The following GABBR2 variants were observed in gnomAD, a reference collection of about 807,000 sequenced individuals.
GABBR2 encodes G-protein coupled receptor 51.
In GABBR2, 23 loss-of-function variants were observed where a neutral mutation model predicts 105.6. The observed-to-expected ratio is 0.22, with a 90% CI of 0.16 to 0.31. GABBR2 has a LOEUF of 0.31. Ranked by LOEUF, GABBR2 falls within the 10% of genes least tolerant of loss-of-function variation. The pLI, the probability that GABBR2 is intolerant of heterozygous loss-of-function variation, is 1.00. For synonymous variants in GABBR2, 478 were observed against 499.7 expected (o/e 0.96, Z 0.58); for missense variants, 734 against 1,245.5 (o/e 0.59, Z 6.18).
At chr9:98,671,841 A>G (rs1481857739) in intron 1 of GABBR2, among the ~76,000 whole-genome samples, 1 of 152,208 alleles carries the variant, frequency 6.6e-6, no homozygotes, top group Non-Finnish European at 1.5e-5. Context: ...TGTGGTTAAG[A>G]GGCCACCGCT....
chr9:98,382,687 A>C (rs1262148692), intron 11 of GABBR2, among the ~76,000 whole-genome samples: 2 of 152,186 alleles, frequency 1.3e-5, no homozygotes, highest in African/African-American at 4.8e-5. Flanking sequence ...CACAGATGGA[A>C]GAGAGAAATC....
Position 98,312,871 on chromosome 9 carries a change from T to A in GABBR2, c.1894-1666A>T, listed in dbSNP as rs547557115. Among the ~76,000 whole-genome samples the A allele has an allele frequency of 5.3e-5, 8 of 152,288 alleles. No homozygotes were observed. The East Asian group carries it at 1.5e-3, about 29-fold the overall frequency. ...TTCAAGCAATTCTCATGTCTCAGCC[T>A]CTTGAGTAGCTGGGATTATAGGCGG... On this transcript the variant is annotated intron_variant, in intron 13 of 18. Transcript: ENST00000259455.
At chr9:98,395,491 A>T (rs570428489) in intron 8 of GABBR2, among the ~76,000 whole-genome samples, 1 of 151,036 alleles carries the variant, frequency 6.6e-6, no homozygotes, top group East Asian at 2.0e-4. Flanking sequence ...CCCCAGGGAA[A>T]GTGAGCCAAG....
chr9:98,415,086 A>C (rs1395784147), intron 7 of GABBR2, among the ~76,000 whole-genome samples: 3 of 152,304 alleles, frequency 2.0e-5, no homozygotes, highest in Non-Finnish European at 4.4e-5. Context: ...AAAGTAAAAA[A>C]CAAAACAAAG....
rs533430938 is a variant in GABBR2, at chr9:98,587,354, A to G, written c.322-9282T>C. 3.9e-5 allele frequency among the ~76,000 whole-genome samples: 6 copies of G among 152,284 alleles called. No homozygotes were observed. In the East Asian group the frequency reaches 7.7e-4, roughly 20 times the overall value. On this transcript the variant is annotated intron_variant, in intron 1 of 18. Transcript: ENST00000259455. ...TGCGGCTTCAGTCTGCACACCTTCT[A>G]TTGGGCTCCTACATCATACAGAGCT...
chr9:98,499,973 A>C (rs1588197440), intron 3 of GABBR2, among the ~76,000 whole-genome samples: 1 of 152,330 alleles, frequency 6.6e-6, no homozygotes, highest in East Asian at 1.9e-4. Context: ...GAATCACTTG[A>C]ACCCCGGAGG....
At chr9:98,600,963 T>A (rs1829322293) in intron 1 of GABBR2, among the ~76,000 whole-genome samples, 1 of 152,176 alleles carries the variant, frequency 6.6e-6, no homozygotes, top group African/African-American at 2.4e-5. Flanking sequence ...TTCATGGCCC[T>A]CTGGTCCCCC....
chr9:98,296,411 G>A (rs1263768627), intron 17 of GABBR2, among the ~76,000 whole-genome samples: 1 of 152,170 alleles, frequency 6.6e-6, no homozygotes, highest in African/African-American at 2.4e-5. Context: ...GCAGTATTGT[G>A]TTACAGCAGC....
At chr9:98,404,169 A>G (rs1339128980) in intron 8 of GABBR2, among the ~76,000 whole-genome samples, 1 of 151,282 alleles carries the variant, frequency 6.6e-6, no homozygotes, top group African/African-American at 2.4e-5. Flanking sequence ...AGAACTGGAA[A>G]TGAGACAAGA....
At chr9:98,298,182 CAT>C (rs1172628795) in intron 17 of GABBR2, among the ~76,000 whole-genome samples, 4 of 152,108 alleles carry the variant, frequency 2.6e-5, no homozygotes, top group East Asian at 3.8e-4. Context: ...TTCACACACA[CAT>C]GTATGCATTT....
chr9:98,655,503 A>C (rs1967890), intron 1 of GABBR2, among the ~76,000 whole-genome samples: 21,766 of 152,240 alleles, frequency 0.14, 2,151 homozygotes, highest in East Asian at 0.46. Flanking sequence ...GGACCTTAAG[A>C]GTGATGTTAA....
chr9:98,309,222 C>T (rs545538900), intron 14 of GABBR2, among the ~76,000 whole-genome samples: 7 of 152,240 alleles, frequency 4.6e-5, no homozygotes, highest in Middle Eastern at 3.4e-3. Flanking sequence ...GTTAGCTTCA[C>T]GGGAAGACAT....
intron 11 of GABBR2, among the ~76,000 whole-genome samples, chr9:98,372,019 G>C (rs531526862): frequency 1.3e-5 from 2 of 152,332 alleles, no homozygotes; most frequent in South Asian, 4.1e-4. Context: ...AGGTCAGTTA[G>C]TCAGCATGGG....
chr9:98,388,831 AGAG>A lies in GABBR2; in HGVS notation c.1529+20_1529+22del, dbSNP rs1832127254. 2 of 1,599,864 alleles carry A rather than the reference AGAG, an allele frequency of 1.3e-6. No individual in the cohort carries two copies. The highest frequency in any genetic ancestry group is 1.7e-4 in the Middle Eastern group (1 of 6,006). ...TTGTCAATTTAGAAAGTGATATCAC[AGAG>A]GAGGACCAGGGTGGCTTACTTCTGA... On this transcript the variant is annotated intron_variant, in intron 10 of 18. Coordinates refer to ENST00000259455, the MANE Select transcript of GABBR2 (RefSeq NM_005458.8). This position sits in a 1 kb window ranked among gnomAD's most constrained non-coding sequence, Gnocchi z 4.4.
At chr9:98,298,625 T>A (rs571783375) in intron 17 of GABBR2, among the ~76,000 whole-genome samples, 28 of 152,338 alleles carry the variant, frequency 1.8e-4, no homozygotes, top group African/African-American at 3.4e-4. Context: ...TGGTTTTTTT[T>A]AAATTTATTT....
chr9:98,379,735 A>G (rs1831939215), intron 11 of GABBR2, among the ~76,000 whole-genome samples: 1 of 152,238 alleles, frequency 6.6e-6, no homozygotes, highest in Non-Finnish European at 1.5e-5. Context: ...GATGCTTTAC[A>G]TACATGATCT....
At chr9:98,446,284 A>G (rs1444036502) in intron 7 of GABBR2, among the ~76,000 whole-genome samples, 1 of 152,226 alleles carries the variant, frequency 6.6e-6, no homozygotes, top group Non-Finnish European at 1.5e-5. Flanking sequence ...AATAATAGCA[A>G]TAATGATGAT....
At chr9:98,636,847 C>T (rs530230574) in intron 1 of GABBR2, among the ~76,000 whole-genome samples, 4 of 152,238 alleles carry the variant, frequency 2.6e-5, no homozygotes, top group African/African-American at 9.6e-5. Flanking sequence ...TTCCTTTGGG[C>T]CAATCTCCCA....
intron 1 of GABBR2, among the ~76,000 whole-genome samples, chr9:98,674,561 T>TAGC (rs1830450673): frequency 6.6e-6 from 1 of 152,068 alleles, no homozygotes; most frequent in Admixed American, 6.5e-5. Context: ...GAGTCCAGTG[T>TAGC]AGCAGAGGGC....
Sources: allele counts gnomAD v4.1 joint callset (sites outside exome capture counted in the v4.1 genomes callset), GRCh38; gene constraint gnomAD v4.1.1; non-coding constraint Gnocchi (gnomAD v3.1); transcripts MANE v1.5; gene names NCBI Gene and HGNC (gene_info 2026-07-23, HGNC 2026-07-21).